GTPBP4: variants seen among roughly 807,000 people sequenced by gnomAD.
The protein encoded by GTPBP4 is GTP binding protein 4, also known as GTP-binding protein 4.
GTPBP4 carries 15 observed loss-of-function variants against 81.7 expected under a neutral mutation model. The ratio of observed to expected loss-of-function variants is 0.18; its 90% CI spans 0.12 to 0.28. The LOEUF is 0.28. GTPBP4 is among the 10% of genes least tolerant of loss of function. GTPBP4 has a pLI of 1.00. For missense variants in GTPBP4, 847 were observed against 793.8 expected (o/e 1.07, Z -0.81); for synonymous variants, 272 against 274.6 (o/e 0.99, Z 0.09).
chr10:1,012,566 G>C lies in GTPBP4; in HGVS notation c.1446G>C (p.Gln482His). Reference protein sequence around the residue: ...SEDEEMLEIRQLAKQIREKKK... With the variant: ...SEDEEMLEIRHLAKQIREKKK... ...ACGAAGAGATGCTGGAAATCCGACA[G>C]CTGGCAAAGCAAATTCGAGAGAAAA... is the stretch of plus-strand genomic sequence containing the variant. Residue 482 changes from glutamine to histidine, a missense_variant, in exon 14 of 17, where the codon CAG becomes CAC. By Grantham distance (24) the Gln-to-His change is conservative (BLOSUM62 0). Coordinates refer to ENST00000360803, the MANE Select transcript of GTPBP4 (RefSeq NM_012341.3). The C allele has an allele frequency of 6.2e-7, 1 of 1,613,712 alleles. No individual in the cohort carries two copies.
chr10:993,184 A>G (rs375570496), intron 2 of GTPBP4, among the ~76,000 whole-genome samples: 1 of 152,196 alleles, frequency 6.6e-6, no homozygotes, highest in South Asian at 2.1e-4. Flanking sequence ...CATGGGAGCT[A>G]TGACTTTTGA....
chr10:998,673 T>C (rs1343688019), intron 5 of GTPBP4, among the ~76,000 whole-genome samples: 1 of 152,220 alleles, frequency 6.6e-6, no homozygotes, highest in Non-Finnish European at 1.5e-5. Flanking sequence ...TAGCAGTGCA[T>C]GACTGGTGGC....
chr10:1,009,073 G>A (rs758793792), intron 11 of GTPBP4, 38 bp downstream of exon 11: 4 of 1,460,668 alleles, frequency 2.7e-6, no homozygotes, highest in South Asian at 1.1e-5. Flanking sequence ...TTCTCATGGG[G>A]GGAGGCAGGC....
intron 2 of GTPBP4, 26 bp downstream of exon 2, chr10:992,685 G>A (rs758317314): frequency 3.4e-6 from 5 of 1,472,126 alleles, no homozygotes; most frequent in Non-Finnish European, 4.7e-6. Context: ...GACTTCTGTG[G>A]TTATGTAAAT....
chr10:1,012,432 T>G (rs2132173373), intron 13 of GTPBP4, 33 bp from the exon 14 acceptor site: 1 of 1,462,870 alleles, frequency 6.8e-7, no homozygotes, highest in Non-Finnish European at 9.5e-7. Flanking sequence ...TTCTCATTGT[T>G]AATTTTGCTT....
At chr10:1,008,349 G>A (rs1831787806) in intron 10 of GTPBP4, 1 of 368,624 alleles carries the variant, frequency 2.7e-6, no homozygotes, top group African/African-American at 2.1e-5. Context: ...AGGTTGCAGT[G>A]AGCCGAGATC....
chr10:1,003,507 G>C (rs185152766), intron 8 of GTPBP4, among the ~76,000 whole-genome samples: 63 of 152,212 alleles, frequency 4.1e-4, no homozygotes. Context: ...CTCTGCATCT[G>C]GTAGAACAGG....
rs148238002 is a variant in GTPBP4, at chr10:1,015,531, G to C, written c.1609-222G>C. 5.3e-4 allele frequency among the ~76,000 whole-genome samples: 40 copies of C among 74,824 alleles called. 3 individuals are homozygous for C. Among genetic ancestry groups the C allele is most frequent in the African/African-American group, 1.3e-3 (27 of 20,292 alleles). 49.1% of individuals were successfully genotyped at this position (74,824 alleles called of 152,430 possible). A position where few individuals can be genotyped will look rare whatever the true frequency, so the allele number is the denominator to read the frequency against. ...CCTGAGCTCTGAGCCTGGGAGCGGG[G>C]CTGGGGTCCTGAGCGCTGAGCCTGG... On this transcript the variant is annotated intron_variant, in intron 15 of 16. Transcript: ENST00000360803.
chr10:992,727 T>A, intron 2 of GTPBP4, 68 bp downstream of exon 2: 1 of 886,220 alleles, frequency 1.1e-6, no homozygotes, highest in Non-Finnish European at 1.8e-6. Flanking sequence ...GTTTAACCAG[T>A]TTGGTGTACT....
intron 11 of GTPBP4, 70 bp downstream of exon 11, chr10:1,009,105 C>T (rs772539116): frequency 1.1e-5 from 13 of 1,197,232 alleles, no homozygotes; most frequent in Non-Finnish European, 1.4e-5. Flanking sequence ...ATCGTGGGGG[C>T]CTGGGGCATC....
chr10:1,011,672 TA>T (rs1831877590), intron 13 of GTPBP4, among the ~76,000 whole-genome samples: 1 of 152,244 alleles, frequency 6.6e-6, no homozygotes, highest in Admixed American at 6.5e-5. Context: ...TGTGCCTCCA[TA>T]GCAGATTCTG....
intron 14 of GTPBP4, 29 bp downstream of exon 14, chr10:1,012,691 G>A (rs767934598): frequency 1.3e-6 from 2 of 1,548,008 alleles, no homozygotes. Flanking sequence ...AAAGCAGTGT[G>A]ATCTAGTTTT....
chr10:1,017,232 C>G lies in GTPBP4; in HGVS notation c.*5C>G. On this transcript the variant is annotated 3_prime_UTR_variant, in exon 17 of 17. Transcript: ENST00000360803. ...GGTAAAAAGGACAGGAGATAGTATC[C>G]GTTTGGTTGGCGTGGCTTCGCTAGA... The G allele has an allele frequency of 6.2e-7, 1 of 1,612,812 alleles. No homozygotes were observed.
chr10:1,010,345 A>G (rs1410955842), intron 12 of GTPBP4, 75 bp from the exon 13 acceptor site: 8 of 758,958 alleles, frequency 1.1e-5, no homozygotes, highest in Non-Finnish European at 1.9e-5. Context: ...CGTCAGTCAC[A>G]ACTCATTTTG....
intron 14 of GTPBP4, among the ~76,000 whole-genome samples, chr10:1,013,846 G>A (rs1361149399): frequency 6.6e-6 from 1 of 152,148 alleles, no homozygotes; most frequent in Non-Finnish European, 1.5e-5. Flanking sequence ...TGGTTATGGC[G>A]GACTTGGACA....
At chr10:991,941 C>T (rs1161674785) in intron 1 of GTPBP4, among the ~76,000 whole-genome samples, 13 of 149,180 alleles carry the variant, frequency 8.7e-5, no homozygotes, top group South Asian at 4.2e-4. Context: ...GTGATCCGCC[C>T]GCCTCAGCCT....
chr10:1,009,379 T>C, intron 11 of GTPBP4, 150 bp from the exon 12 acceptor site: 1 of 670,770 alleles, frequency 1.5e-6, no homozygotes, highest in Non-Finnish European at 2.7e-6. Flanking sequence ...GACAGGGAGA[T>C]AAGAAACAGC....
intron 13 of GTPBP4, 32 bp from the exon 14 acceptor site, chr10:1,012,433 A>T: frequency 1.4e-6 from 2 of 1,465,450 alleles, no homozygotes; most frequent in Non-Finnish European, 1.9e-6. Context: ...TCTCATTGTT[A>T]ATTTTGCTTC....
At position 1,000,664 on chromosome 10, in the gene GTPBP4, C is replaced by T. The variant is rs767151265; in HGVS notation, c.655-13C>T. 1.3e-6 allele frequency: 2 copies of T among 1,483,506 alleles called. No homozygotes were observed. Among genetic ancestry groups the T allele is most frequent in the South Asian group, 1.4e-5 (1 of 69,378 alleles). 91.9% of individuals were successfully genotyped at this position (1,483,506 alleles called of 1,614,324 possible). A position where few individuals can be genotyped will look rare whatever the true frequency, so the allele number is the denominator to read the frequency against. ...GTGAGTGTGCTTTCAGTGACAAGGT[C>T]TGGCTGTGTTAGGTTGTAGACACTC... On this transcript the variant is annotated splice_polypyrimidine_tract_variant and intron_variant, in intron 6 of 16. Coordinates refer to ENST00000360803, the MANE Select transcript of GTPBP4 (RefSeq NM_012341.3).
Sources: gnomAD v4.1 joint callset for allele counts (sites outside exome capture counted in the v4.1 genomes callset) on GRCh38, gnomAD v4.1.1 for gene constraint, MANE v1.5 for transcripts, NCBI Gene and HGNC (gene_info 2026-07-23, HGNC 2026-07-21) for gene names.